Variants in NEK7 observed in about 807,000 individuals in gnomAD.
NEK7 encodes NIMA related kinase 7.
NEK7 carries 18 observed loss-of-function variants against 44.6 expected under a neutral mutation model. That is an observed-to-expected ratio of 0.40 (90% CI 0.28 to 0.60). The LOEUF is 0.60. NEK7 is among the 20% of genes least tolerant of loss of function. NEK7 has a pLI of 0.38. For synonymous variants in NEK7, 130 were observed against 121.1 expected (o/e 1.07, Z -0.48); for missense variants, 256 against 366.5 (o/e 0.70, Z 2.46).
intron 9 of NEK7, among the ~76,000 whole-genome samples, chr1:198,304,832 C>A (rs1027895413): frequency 4.6e-5 from 7 of 151,952 alleles, no homozygotes; most frequent in African/African-American, 1.7e-4. Context: ...CCTCGTAATC[C>A]CTTAGGAATG....
chr1:198,252,529 T>TATAG (rs1653057053), intron 2 of NEK7, among the ~76,000 whole-genome samples: 1 of 1,780 alleles, frequency 5.6e-4, no homozygotes, highest in South Asian at 0.022. Context: ...TCTCACATAC[T>TATAG]ATATATATAT....
intron 1 of NEK7, among the ~76,000 whole-genome samples, chr1:198,208,949 G>T (rs1418569467): frequency 1.3e-5 from 2 of 151,508 alleles, no homozygotes; most frequent in African/African-American, 4.9e-5. Context: ...CGCTTTTCTT[G>T]GCTTCCTTCA....
At chr1:198,287,025 A>T (rs1336611404) in intron 7 of NEK7, among the ~76,000 whole-genome samples, 3 of 152,212 alleles carry the variant, frequency 2.0e-5, no homozygotes, top group Non-Finnish European at 4.4e-5. Context: ...CTACCGTAAC[A>T]TAAACAGGTA....
intron 9 of NEK7, among the ~76,000 whole-genome samples, chr1:198,312,625 T>G (rs1260787319): frequency 6.6e-6 from 1 of 151,786 alleles, no homozygotes; most frequent in Non-Finnish European, 1.5e-5. Context: ...TCCCAGAGAT[T>G]CTTGTATGTT....
chr1:198,309,380 G>A (rs903168765), intron 9 of NEK7, among the ~76,000 whole-genome samples: 1 of 152,120 alleles, frequency 6.6e-6, no homozygotes, highest in Non-Finnish European at 1.5e-5. Context: ...AGCCTGGAAA[G>A]GGAAGCAGGA....
chr1:198,239,022 G>C (rs984511132), intron 2 of NEK7, among the ~76,000 whole-genome samples: 4 of 152,118 alleles, frequency 2.6e-5, no homozygotes, highest in African/African-American at 9.7e-5. Flanking sequence ...AGTAGCTGTT[G>C]AATCTGCGAA....
At position 198,184,871 on chromosome 1, in the gene NEK7, CTAGT is replaced by C. The variant is rs561831228; in HGVS notation, c.-29+27612_-29+27615del. ...TTTATTTATTTATTTATTTATTTAGCTAGTTAGTTAGTTAGTTAGTAGAGACAAG... is the reference window on the plus strand; with the variant it reads ...TTTATTTATTTATTTATTTATTTAGCTAGTTAGTTAGTTAGTAGAGACAAG... On this transcript the variant is annotated intron_variant, in intron 1 of 9. Transcript: ENST00000367385. Among the ~76,000 whole-genome samples, 35 of 151,632 alleles carry C rather than the reference CTAGT, an allele frequency of 2.3e-4. 1 individual carries two copies. In the South Asian group the frequency reaches 2.5e-3, roughly 11 times the overall value.
intron 3 of NEK7, among the ~76,000 whole-genome samples, chr1:198,258,629 A>G (rs1424292919): frequency 6.6e-6 from 1 of 152,150 alleles, no homozygotes; most frequent in Non-Finnish European, 1.5e-5. Flanking sequence ...TTCATTAGCT[A>G]TGAGTAATTT....
chr1:198,181,027 A>G (rs1330243332), intron 1 of NEK7, among the ~76,000 whole-genome samples: 1 of 152,104 alleles, frequency 6.6e-6, no homozygotes. Flanking sequence ...CCCATTTTCT[A>G]TAGTTTTCCT....
At chr1:198,163,764 G>A (rs950572085) in intron 1 of NEK7, among the ~76,000 whole-genome samples, 4 of 152,274 alleles carry the variant, frequency 2.6e-5, no homozygotes, top group Admixed American at 6.5e-5. Context: ...CGTCTTTGTT[G>A]TTAGAATATG....
intron 1 of NEK7, among the ~76,000 whole-genome samples, chr1:198,226,520 G>A (rs1178268042): frequency 2.6e-5 from 4 of 151,756 alleles, no homozygotes; most frequent in African/African-American, 9.7e-5. Flanking sequence ...ATTCCAGCCT[G>A]GGCGACACAG....
rs1655516963 is a variant in NEK7 at position 198,320,898 on chromosome 1, G to A, written c.*1376G>A. 1 of 152,260 alleles carries A rather than the reference G, an allele frequency of 6.6e-6. No homozygotes were observed. Among genetic ancestry groups the A allele is most frequent in the African/African-American group, 2.4e-5 (1 of 41,442 alleles). 9.4% of individuals were successfully genotyped at this position (152,260 alleles called of 1,614,324 possible). ...AACACTTCGTGTAGCTTAAGGAAAT[G>A]GGCAGAATTTCGTAAATGCTGTTGT... is the stretch of plus-strand genomic sequence containing the variant. On this transcript the variant is annotated 3_prime_UTR_variant, in exon 10 of 10. Transcript: ENST00000367385.
intron 1 of NEK7, among the ~76,000 whole-genome samples, chr1:198,206,218 T>C (rs1254560917): frequency 6.6e-6 from 1 of 152,162 alleles, no homozygotes; most frequent in Non-Finnish European, 1.5e-5. Flanking sequence ...AATCAAAATA[T>C]TAGGTAACAG....
chr1:198,271,326 G>T (rs183809004), intron 5 of NEK7, among the ~76,000 whole-genome samples: 4 of 152,084 alleles, frequency 2.6e-5, no homozygotes, highest in African/African-American at 4.8e-5. Context: ...AAGAGAATGG[G>T]ATTATACAAC....
chr1:198,253,555 G>A (rs908840660), intron 3 of NEK7, among the ~76,000 whole-genome samples: 16 of 152,130 alleles, frequency 1.1e-4, no homozygotes, highest in African/African-American at 3.1e-4. Context: ...TGTACTGCCC[G>A]AAGTTAGTAA....
intron 1 of NEK7, among the ~76,000 whole-genome samples, chr1:198,189,279 G>A (rs1317229654): frequency 1.3e-5 from 2 of 152,088 alleles, no homozygotes; most frequent in Admixed American, 6.6e-5. Flanking sequence ...TTTTCATGTC[G>A]TAAGTCCCTA....
chr1:198,311,358 A>C (rs952482559), intron 9 of NEK7, among the ~76,000 whole-genome samples: 11 of 152,140 alleles, frequency 7.2e-5, no homozygotes, highest in Non-Finnish European at 1.6e-4. Context: ...GGGTTTTTGT[A>C]GATATACAAT....
chr1:198,227,966 T>C (rs977981454), intron 1 of NEK7, among the ~76,000 whole-genome samples: 7 of 152,194 alleles, frequency 4.6e-5, no homozygotes, highest in Admixed American at 6.5e-5. Context: ...TGAATGGTAT[T>C]GCCTAGGTTT....
At chr1:198,160,614 A>G (rs774400799) in intron 1 of NEK7, among the ~76,000 whole-genome samples, 1 of 152,188 alleles carries the variant, frequency 6.6e-6, no homozygotes, top group Non-Finnish European at 1.5e-5. Context: ...ATCAGGATTT[A>G]TGTAAATATA....
Sources: allele counts gnomAD v4.1 joint callset (sites outside exome capture counted in the v4.1 genomes callset), GRCh38; gene constraint gnomAD v4.1.1; transcripts MANE v1.5; gene names NCBI Gene and HGNC (gene_info 2026-07-23, HGNC 2026-07-21).